Variants in ICA1 observed in about 807,000 individuals in gnomAD.
ICA1 encodes the protein islet cell autoantigen 1.
ICA1 carries 40 observed loss-of-function variants against 71.0 expected under a neutral mutation model. That is an observed-to-expected ratio of 0.56 (90% confidence interval 0.44 to 0.73). ICA1 has a LOEUF of 0.73. Ranked by LOEUF, ICA1 falls within the 30% of genes least tolerant of loss-of-function variation. The pLI, the probability that ICA1 is intolerant of heterozygous loss-of-function variation, is 0.00. For synonymous variants in ICA1, 207 were observed against 209.5 expected, an observed-to-expected ratio of 0.99 and a Z score of 0.10; for missense variants, 578 against 576.5, an observed-to-expected ratio of 1.00 and a Z score of -0.03.
At chr7:8,170,363 T>C (rs532487640) in intron 6 of ICA1, among the ~76,000 whole-genome samples, 91 of 152,152 alleles carry the variant, frequency 6.0e-4, no homozygotes, top group East Asian at 3.1e-3. Context: ...GGTCAGCTTG[T>C]CAATTTCTAC....
At chr7:8,184,384 T>C (rs1783227232) in intron 6 of ICA1, among the ~76,000 whole-genome samples, 1 of 152,238 alleles carries the variant, frequency 6.6e-6, no homozygotes, top group Non-Finnish European at 1.5e-5. Context: ...CTTTTATCAA[T>C]AAGACGCAAT....
intron 7 of ICA1, 38 bp from the exon 8 acceptor site, chr7:8,157,252 T>C: frequency 1.3e-6 from 2 of 1,546,690 alleles, no homozygotes; most frequent in African/African-American, 1.4e-5. Context: ...ATGTTTTGAA[T>C]GCCCAGTTCT....
intron 6 of ICA1, among the ~76,000 whole-genome samples, chr7:8,207,039 C>T (rs1938700539): frequency 6.6e-6 from 1 of 152,118 alleles, no homozygotes; most frequent in Admixed American, 6.6e-5. Flanking sequence ...AGAAGAAGAC[C>T]TCATCCCTCA....
At chr7:8,212,896 A>G (rs1417128471) in intron 6 of ICA1, among the ~76,000 whole-genome samples, 3 of 152,240 alleles carry the variant, frequency 2.0e-5, no homozygotes, top group African/African-American at 7.2e-5. Flanking sequence ...ATCAATAAAG[A>G]TGAGGCTTTC....
chr7:8,158,248 A>C, intron 7 of ICA1: 1 of 376,774 alleles, frequency 2.7e-6, no homozygotes, highest in Non-Finnish European at 4.8e-6. Context: ...AAAGAATGGA[A>C]TTTGGAAAGG....
At chr7:8,216,776 T>C (rs573170229) in intron 6 of ICA1, among the ~76,000 whole-genome samples, 1 of 152,242 alleles carries the variant, frequency 6.6e-6, no homozygotes, top group Non-Finnish European at 1.5e-5. Flanking sequence ...GTATTTTGAA[T>C]GATTCTGACT....
intron 6 of ICA1, among the ~76,000 whole-genome samples, chr7:8,215,294 C>A (rs1451817938): frequency 6.6e-6 from 1 of 152,186 alleles, no homozygotes; most frequent in Non-Finnish European, 1.5e-5. Flanking sequence ...CCCTAAAAGG[C>A]CTTTCGTAAA....
At chr7:8,227,944 T>C (rs1176090215) in intron 4 of ICA1, 3 of 389,010 alleles carry the variant, frequency 7.7e-6, no homozygotes, top group Admixed American at 2.8e-5. Flanking sequence ...CAATTATTAA[T>C]TTGTGATTAC....
intron 1 of ICA1, among the ~76,000 whole-genome samples, chr7:8,237,779 G>A (rs542279391): frequency 6.6e-6 from 1 of 151,564 alleles, no homozygotes; most frequent in East Asian, 1.9e-4. Flanking sequence ...TCCTTTTTAA[G>A]GCTGAATGAT....
intron 1 of ICA1, among the ~76,000 whole-genome samples, chr7:8,250,229 C>T (rs1270769305): frequency 6.6e-6 from 1 of 152,114 alleles, no homozygotes; most frequent in East Asian, 1.9e-4. Context: ...ATGATTTTTA[C>T]AATTTCTTAT....
intron 6 of ICA1, among the ~76,000 whole-genome samples, chr7:8,166,195 C>A (rs780855585): frequency 6.6e-6 from 1 of 151,958 alleles, no homozygotes; most frequent in Non-Finnish European, 1.5e-5. Flanking sequence ...TTAATAATGG[C>A]CTATCATGAA....
At chr7:8,194,517 T>A (rs1786749943) in intron 6 of ICA1, among the ~76,000 whole-genome samples, 1 of 152,228 alleles carries the variant, frequency 6.6e-6, no homozygotes, top group Admixed American at 6.5e-5. Context: ...TTTACCAAAC[T>A]GGCAAGAGTC....
In ICA1 at chr7:8,124,111, A is replaced by ATT. The variant is rs536582712; in HGVS notation, c.1330+3760_1330+3761dup. The stretch of plus-strand genomic sequence containing the variant: ...AATCATAGATTCACTGAATCATACA[A>ATT]TTTTTTTTTTTTTTTTTTTTTTTTT... On this transcript the variant is annotated intron_variant, in intron 13 of 13. Coordinates refer to ENST00000402384, the MANE Select transcript of ICA1 (RefSeq NM_001136020.3). Among the ~76,000 whole-genome samples, 374 of 107,448 alleles carry ATT rather than the reference A, an allele frequency of 3.5e-3. 14 individuals are homozygous for ATT. Among genetic ancestry groups the ATT allele is most frequent in the African/African-American group, 9.7e-3 (237 of 24,532 alleles). The allele number at this position is 107,448 out of a possible 152,430, so 70.5% of individuals were successfully genotyped here. A position where few individuals can be genotyped will look rare whatever the true frequency, so the allele number is the denominator to read the frequency against.
At position 8,173,485 on chromosome 7, in the gene ICA1, G is replaced by C. The variant is rs868488187; in HGVS notation, c.580-14833C>G. ...ACAAAACCCTCACTGGGCACCTGTA[G>C]AGAATGCTAATGAACCAATTCAATA... On this transcript the variant is annotated intron_variant, in intron 6 of 13. Coordinates refer to ENST00000402384, the MANE Select transcript of ICA1 (RefSeq NM_001136020.3). The surrounding 1 kb of genome is among the most constrained non-coding windows in gnomAD (Gnocchi z 4.0). Among the ~76,000 whole-genome samples, 1 of 152,182 alleles carries C rather than the reference G, an allele frequency of 6.6e-6. No homozygotes were observed. The highest frequency in any genetic ancestry group is 2.4e-5 in the African/African-American group (1 of 41,442).
chr7:8,181,482 A>G (rs1782172387), intron 6 of ICA1, among the ~76,000 whole-genome samples: 1 of 152,118 alleles, frequency 6.6e-6, no homozygotes, highest in Non-Finnish European at 1.5e-5. Context: ...ATTTCTATAT[A>G]AGTTTATAGT....
chr7:8,156,852 C>A (rs747283727), intron 8 of ICA1: 9 of 1,500,876 alleles, frequency 6.0e-6, no homozygotes, highest in Non-Finnish European at 8.0e-6. Flanking sequence ...CTCCCAGGAA[C>A]ATGTATCTCA....
chr7:8,169,191 A>C (rs1348716362), intron 6 of ICA1, among the ~76,000 whole-genome samples: 1 of 152,094 alleles, frequency 6.6e-6, no homozygotes, highest in Non-Finnish European at 1.5e-5. Context: ...TGCATGTATT[A>C]GTAGTGTGTT....
intron 6 of ICA1, among the ~76,000 whole-genome samples, chr7:8,209,818 G>A (rs773927344): frequency 4.6e-5 from 7 of 152,194 alleles, no homozygotes; most frequent in Non-Finnish European, 7.3e-5. Flanking sequence ...GGAATTTCTG[G>A]TGGGAGAAAC....
chr7:8,230,801 T>C (rs1025128256), intron 3 of ICA1, among the ~76,000 whole-genome samples: 5 of 152,308 alleles, frequency 3.3e-5, no homozygotes, highest in Middle Eastern at 6.8e-3. Flanking sequence ...CATTAGAACA[T>C]CCTTGTCAAA....
Sources: gnomAD v4.1 joint callset for allele counts (sites outside exome capture counted in the v4.1 genomes callset) on GRCh38, gnomAD v4.1.1 for gene constraint, Gnocchi (gnomAD v3.1) non-coding constraint, MANE v1.5 for transcripts, NCBI Gene and HGNC (gene_info 2026-07-23, HGNC 2026-07-21) for gene names.